The following AGBL4 variants were observed in gnomAD, a reference collection of about 807,000 sequenced individuals.
The protein encoded by AGBL4 is AGBL carboxypeptidase 4.
Under a neutral mutation model 66.4 loss-of-function variants are expected in AGBL4, and 58 were observed. The ratio of observed to expected loss-of-function variants is 0.87; its 90% CI spans 0.71 to 1.09. The LOEUF (loss-of-function observed/expected upper bound fraction) is 1.09. Ranked by LOEUF, AGBL4 falls within the 50% of genes least tolerant of loss-of-function variation. The probability of loss-of-function intolerance (pLI) is 0.00; values close to 1 mark genes in which losing one functional copy is unlikely to be tolerated. For missense variants in AGBL4, 579 were observed against 631.0 expected, an observed-to-expected ratio of 0.92 and a Z score of 0.88; for synonymous variants, 234 against 222.9, an observed-to-expected ratio of 1.05 and a Z score of -0.44.
chr1:49,731,477 G>A (rs1649445370), intron 2 of AGBL4, among the ~76,000 whole-genome samples: 2 of 152,078 alleles, frequency 1.3e-5, no homozygotes, highest in Admixed American at 6.6e-5. Flanking sequence ...AATACGTGCT[G>A]AATCAAATAA....
intron 3 of AGBL4, among the ~76,000 whole-genome samples, chr1:49,493,191 T>A (rs925809571): frequency 6.6e-6 from 1 of 152,044 alleles, no homozygotes; most frequent in Admixed American, 6.6e-5. Flanking sequence ...AGGCAAACAA[T>A]ATCAAGCACT....
chr1:49,133,928 C>CAT (rs779658403), intron 4 of AGBL4, among the ~76,000 whole-genome samples: 238 of 150,316 alleles, frequency 1.6e-3, no homozygotes, highest in African/African-American at 4.4e-3. Context: ...TATTCTAATA[C>CAT]ATATATATAT....
rs1646026918 is a variant in AGBL4 at position 49,137,099 on chromosome 1, G to C, written c.378-91299C>G. Among the ~76,000 whole-genome samples, 7 of 152,194 alleles carry C rather than the reference G, an allele frequency of 4.6e-5. No individual in the cohort carries two copies. The South Asian group carries it at 1.2e-3, about 27-fold the overall frequency. On this transcript the variant is annotated intron_variant, in intron 4 of 13. Coordinates refer to ENST00000371839, the MANE Select transcript of AGBL4 (RefSeq NM_032785.4). ...TAACTTGATATGTATCCAGCAGTCTGCCAGATGTTTTACATTTTTCATTTC... is the reference window on the plus strand; with the variant it reads ...TAACTTGATATGTATCCAGCAGTCTCCCAGATGTTTTACATTTTTCATTTC...
At chr1:49,778,932 C>T (rs1235296201) in intron 2 of AGBL4, among the ~76,000 whole-genome samples, 1 of 152,140 alleles carries the variant, frequency 6.6e-6, no homozygotes, top group Non-Finnish European at 1.5e-5. Flanking sequence ...AACAAACATG[C>T]ACATGTATCC....
intron 6 of AGBL4, among the ~76,000 whole-genome samples, chr1:48,834,920 C>G (rs896255067): frequency 6.6e-6 from 1 of 152,110 alleles, no homozygotes; most frequent in African/African-American, 2.4e-5. Flanking sequence ...TCTTCAGAAC[C>G]AGGGTGCTGG....
chr1:49,564,178 C>T lies in AGBL4; in HGVS notation c.282+133135G>A, dbSNP rs185159278. Among the ~76,000 whole-genome samples, 245 of 151,844 alleles carry T rather than the reference C, an allele frequency of 1.6e-3. 1 individual carries two copies. Among genetic ancestry groups the T allele is most frequent in the East Asian group, 5.2e-3 (27 of 5,174 alleles). On this transcript the variant is annotated intron_variant, in intron 3 of 13. Transcript: ENST00000371839. ...ATGTCCCCTTTGTCATTTTTTATTGCGTCTATTTGATTATTCTCTCTTTTC... is the reference window on the plus strand; with the variant it reads ...ATGTCCCCTTTGTCATTTTTTATTGTGTCTATTTGATTATTCTCTCTTTTC...
chr1:49,401,022 G>C (rs1645073923), intron 3 of AGBL4, among the ~76,000 whole-genome samples: 1 of 152,120 alleles, frequency 6.6e-6, no homozygotes, highest in Admixed American at 6.5e-5. Context: ...TTCAAGAGAG[G>C]ATGTTGAGTG....
At chr1:49,305,695 C>CTTT (rs34572464) in intron 3 of AGBL4, among the ~76,000 whole-genome samples, 2 of 146,210 alleles carry the variant, frequency 1.4e-5, no homozygotes, top group East Asian at 4.1e-4. Flanking sequence ...TTAATCATTC[C>CTTT]TTTTTTTTTT....
intron 1 of AGBL4, among the ~76,000 whole-genome samples, chr1:49,936,140 A>C (rs1653983722): frequency 6.6e-6 from 1 of 152,260 alleles, no homozygotes; most frequent in Non-Finnish European, 1.5e-5. Context: ...AGAAGTGCTT[A>C]AAGGAGCTGA....
chr1:48,980,353 T>C (rs533491372), intron 5 of AGBL4, among the ~76,000 whole-genome samples: 1 of 152,158 alleles, frequency 6.6e-6, no homozygotes, highest in African/African-American at 2.4e-5. Context: ...TGATGCTCAA[T>C]ATGGAAAAAT....
chr1:49,237,373 A>G (rs1415743829), intron 4 of AGBL4, among the ~76,000 whole-genome samples: 1 of 151,604 alleles, frequency 6.6e-6, no homozygotes, highest in Non-Finnish European at 1.5e-5. Flanking sequence ...GTCTTCCACC[A>G]TGATTGTGAG....
At position 48,533,995 on chromosome 1, in the gene AGBL4, G is replaced by T; in HGVS notation, c.*178C>A. On this transcript the variant is annotated 3_prime_UTR_variant, in exon 14 of 14. Coordinates refer to ENST00000371839, the MANE Select transcript of AGBL4 (RefSeq NM_032785.4). Reference sequence around the variant, plus strand: ...CTTTTTGAGCTGAAGGCTTACAATTGATTTTCCATTGGAAAAAGGGAAAAT... The same window carrying T: ...CTTTTTGAGCTGAAGGCTTACAATTTATTTTCCATTGGAAAAAGGGAAAAT... 1 of 1,049,218 alleles carries T rather than the reference G, an allele frequency of 9.5e-7. No homozygotes were observed. Among genetic ancestry groups the T allele is most frequent in the Non-Finnish European group, 1.4e-6 (1 of 713,874 alleles). The allele number at this position is 1,049,218 out of a possible 1,614,324, so 65.0% of individuals were successfully genotyped here.
At chr1:49,879,385 G>A (rs1647140453) in intron 1 of AGBL4, among the ~76,000 whole-genome samples, 1 of 149,700 alleles carries the variant, frequency 6.7e-6, no homozygotes, top group Non-Finnish European at 1.5e-5. Context: ...GCATTTGCTT[G>A]TCTGTAAAGT....
chr1:48,800,910 G>A (rs925163091), intron 6 of AGBL4, among the ~76,000 whole-genome samples: 2 of 152,022 alleles, frequency 1.3e-5, no homozygotes, highest in African/African-American at 4.8e-5. Flanking sequence ...CAGCTGCCAG[G>A]GCACGTAGAG....
intron 3 of AGBL4, among the ~76,000 whole-genome samples, chr1:49,407,957 C>T (rs771993893): frequency 5.3e-5 from 8 of 152,142 alleles, no homozygotes; most frequent in Non-Finnish European, 7.3e-5. Context: ...TGAGAAATTC[C>T]CTCAGTCTAC....
chr1:49,674,571 T>TACAC (rs139707283), intron 3 of AGBL4, among the ~76,000 whole-genome samples: 7,075 of 143,694 alleles, frequency 0.049, 368 homozygotes, highest in African/African-American at 0.14. Flanking sequence ...AAGAATAAAA[T>TACAC]ACACACACAC....
chr1:49,359,974 G>C (rs926921071), intron 3 of AGBL4, among the ~76,000 whole-genome samples: 1 of 152,154 alleles, frequency 6.6e-6, no homozygotes, highest in Non-Finnish European at 1.5e-5. Context: ...GCTCCCAAGA[G>C]AGCCTGATGA....
intron 5 of AGBL4, among the ~76,000 whole-genome samples, chr1:48,906,221 C>T (rs1002338876): frequency 4.6e-5 from 7 of 152,096 alleles, no homozygotes; most frequent in Non-Finnish European, 8.8e-5. Flanking sequence ...AAACAATAAA[C>T]TTAATCTTCC....
intron 3 of AGBL4, among the ~76,000 whole-genome samples, chr1:49,333,410 G>A (rs537751604): frequency 3.9e-5 from 6 of 152,190 alleles, no homozygotes; most frequent in East Asian, 1.9e-4. Flanking sequence ...CAAGGGAGTC[G>A]GAGGTTGTAG....
Sources: allele counts gnomAD v4.1 joint callset (sites outside exome capture counted in the v4.1 genomes callset), GRCh38; gene constraint gnomAD v4.1.1; transcripts MANE v1.5; gene names NCBI Gene and HGNC (gene_info 2026-07-23, HGNC 2026-07-21).